Variants in SMOC1 observed in about 807,000 individuals in gnomAD.
The protein encoded by SMOC1 is SPARC related modular calcium binding 1.
A neutral mutation model predicts 56.3 loss-of-function variants in SMOC1; 22 were observed. The ratio of observed to expected loss-of-function variants is 0.39; its 90% CI spans 0.28 to 0.56. SMOC1 has a LOEUF of 0.56. Among genes scored for constraint, SMOC1 ranks in the 20% least tolerant of loss-of-function variants. The pLI, the probability that SMOC1 is intolerant of heterozygous loss-of-function variation, is 0.61. For synonymous variants in SMOC1, 193 were observed against 215.0 expected (o/e 0.90, Z 0.89); for missense variants, 509 against 565.4 (o/e 0.90, Z 1.01).
At chr14:69,944,929 T>A (rs1169508644) in intron 1 of SMOC1, among the ~76,000 whole-genome samples, 1 of 152,204 alleles carries the variant, frequency 6.6e-6, no homozygotes, top group Admixed American at 6.5e-5. Flanking sequence ...ATGTTTAAGA[T>A]GTGACTTTTA....
chr14:69,953,320 G>T, intron 2 of SMOC1, 100 bp from the exon 3 acceptor site: 1 of 1,070,328 alleles, frequency 9.3e-7, no homozygotes, highest in South Asian at 1.3e-5. Context: ...AGTTGTGTGT[G>T]GGCTCCCGCA....
chr14:69,986,954 G>T (rs774832766), intron 5 of SMOC1, among the ~76,000 whole-genome samples: 1 of 152,198 alleles, frequency 6.6e-6, no homozygotes, highest in Non-Finnish European at 1.5e-5. Flanking sequence ...AGCCTCGCTG[G>T]TCATGGCGCA....
intron 8 of SMOC1, 110 bp from the exon 9 acceptor site, chr14:70,011,375 C>G: frequency 9.5e-7 from 1 of 1,047,314 alleles, no homozygotes; most frequent in Non-Finnish European, 1.5e-6. Flanking sequence ...TTCTGCCCAC[C>G]CTCAGTGCTT....
At chr14:70,010,432 C>T (rs1365151621) in intron 7 of SMOC1, among the ~76,000 whole-genome samples, 3 of 152,220 alleles carry the variant, frequency 2.0e-5, no homozygotes, top group Non-Finnish European at 4.4e-5. Flanking sequence ...TTGAGATATT[C>T]CACCCTTGGG....
At chr14:69,975,369 A>G (rs1441277877) in intron 3 of SMOC1, among the ~76,000 whole-genome samples, 1 of 152,174 alleles carries the variant, frequency 6.6e-6, no homozygotes, top group Non-Finnish European at 1.5e-5. Context: ...AGAATTTTTT[A>G]CAGTTGGATG....
intron 4 of SMOC1, among the ~76,000 whole-genome samples, chr14:69,977,021 A>G (rs1566696138): frequency 5.9e-5 from 9 of 152,242 alleles, no homozygotes; most frequent in Admixed American, 5.2e-4. Context: ...GAGGTACAGG[A>G]ATTAGCCCTC....
intron 3 of SMOC1, among the ~76,000 whole-genome samples, chr14:69,970,354 G>A (rs141743474): frequency 6.6e-6 from 1 of 152,170 alleles, no homozygotes; most frequent in Non-Finnish European, 1.5e-5. Context: ...TCTGTCTCTG[G>A]GCCTCAGTTT....
intron 1 of SMOC1, among the ~76,000 whole-genome samples, chr14:69,888,809 A>G (rs1335995622): frequency 1.3e-5 from 2 of 152,188 alleles, no homozygotes; most frequent in Admixed American, 6.5e-5. Flanking sequence ...TTCATTATGC[A>G]TTTATTCTTG....
intron 3 of SMOC1, among the ~76,000 whole-genome samples, chr14:69,972,574 G>C (rs142442381): frequency 0.011 from 1,690 of 152,272 alleles, 39 homozygotes; most frequent in African/African-American, 0.039. Context: ...CTACTTTGGA[G>C]CCTGGACTGA....
chr14:69,953,873 G>A (rs1383604190), intron 3 of SMOC1, among the ~76,000 whole-genome samples: 1 of 152,076 alleles, frequency 6.6e-6, no homozygotes, highest in African/African-American at 2.4e-5. Flanking sequence ...TCTTATTCCT[G>A]CCAGTTTCCA....
chr14:69,948,110 T>C (rs1397115475), intron 1 of SMOC1, among the ~76,000 whole-genome samples: 1 of 152,208 alleles, frequency 6.6e-6, no homozygotes, highest in Admixed American at 6.5e-5. Flanking sequence ...GTTGAACAGA[T>C]GAAGGAATGA....
chr14:69,932,305 C>T (rs1324859319), intron 1 of SMOC1, among the ~76,000 whole-genome samples: 1 of 152,196 alleles, frequency 6.6e-6, no homozygotes, highest in African/African-American at 2.4e-5. Flanking sequence ...AGTAAACTTG[C>T]TGTTTTGCTG....
intron 1 of SMOC1, among the ~76,000 whole-genome samples, chr14:69,888,725 C>A (rs916356830): frequency 1.3e-5 from 2 of 152,062 alleles, no homozygotes; most frequent in African/African-American, 4.8e-5. Context: ...ACCTGCTTCC[C>A]AGAGTGGTTT....
At position 69,994,431 on chromosome 14, in the gene SMOC1, C is replaced by T. The variant is rs772276182; in HGVS notation, c.615C>T (p.His205=). 1 of 1,614,060 alleles carries T rather than the reference C, an allele frequency of 6.2e-7. No individual in the cohort carries two copies. The highest frequency in any genetic ancestry group is 8.5e-7 in the Non-Finnish European group (1 of 1,179,930). The change falls in exon 7 of 12, where the codon CAC becomes CAT. Residue 205 remains histidine (H), a synonymous_variant. Transcript: ENST00000361956. ...EITAPTLWIK[H]LVIKDSKLNN... Reference sequence around the variant, plus strand: ...CAGCCCCAACTCTATGGATTAAACACTTGGTGATCAAGGACTCCAAACTGA... The same window carrying T: ...CAGCCCCAACTCTATGGATTAAACATTTGGTGATCAAGGACTCCAAACTGA...
At chr14:69,992,795 C>T (rs79396209) in intron 6 of SMOC1, among the ~76,000 whole-genome samples, 154 of 152,270 alleles carry the variant, frequency 1.0e-3, no homozygotes, top group Non-Finnish European at 1.6e-3. Flanking sequence ...ATAGTCAGGC[C>T]GGCAGTGTCC....
intron 1 of SMOC1, among the ~76,000 whole-genome samples, chr14:69,951,820 G>A (rs966655280): frequency 3.9e-5 from 6 of 152,166 alleles, no homozygotes; most frequent in Non-Finnish European, 1.5e-5. Flanking sequence ...TACGTCTCTG[G>A]GCTTCAGTTT....
rs536372555 is a variant in SMOC1 at position 69,904,499 on chromosome 14, G to T, written c.99+24722G>T. On this transcript the variant is annotated intron_variant, in intron 1 of 11. Coordinates refer to ENST00000361956, the MANE Select transcript of SMOC1 (RefSeq NM_001034852.3). ...CCTTTCAACAGATCCTTCTCTACTG[G>T]TCACTTATGGGGTTTAGCACTTGGC... Among the ~76,000 whole-genome samples the T allele has an allele frequency of 3.3e-5, 5 of 152,340 alleles. No individual in the cohort carries two copies. In the East Asian group the frequency reaches 9.6e-4, roughly 29 times the overall value.
In SMOC1 at chr14:69,953,543, G is replaced by T; in HGVS notation, c.378+11G>T. On this transcript the variant is annotated intron_variant, in intron 3 of 11. Coordinates refer to ENST00000361956, the MANE Select transcript of SMOC1 (RefSeq NM_001034852.3). ...GGCTCCTTTACCCAGGTGAGGCCTC[G>T]GACAATCCTCTTGGGCTCTTTCCTG... is the stretch of plus-strand genomic sequence containing the variant. The T allele has an allele frequency of 6.2e-7, 1 of 1,609,114 alleles. No homozygotes were observed. Among genetic ancestry groups the T allele is most frequent in the South Asian group, 1.1e-5 (1 of 90,978 alleles).
At chr14:69,958,972 A>G (rs1340112885) in intron 3 of SMOC1, among the ~76,000 whole-genome samples, 2 of 152,214 alleles carry the variant, frequency 1.3e-5, no homozygotes, top group Non-Finnish European at 2.9e-5. Context: ...GAAAAGCTAT[A>G]CACATTCTGT....
Sources: allele counts gnomAD v4.1 joint callset (sites outside exome capture counted in the v4.1 genomes callset), GRCh38; gene constraint gnomAD v4.1.1; transcripts MANE v1.5; gene names NCBI Gene and HGNC (gene_info 2026-07-23, HGNC 2026-07-21).